The following VWF variants were observed in gnomAD, a reference collection of about 807,000 sequenced individuals.
The protein encoded by VWF is von Willebrand factor.
A neutral mutation model predicts 308.6 loss-of-function variants in VWF; 176 were observed. That is an observed-to-expected ratio of 0.57 (90% CI 0.50 to 0.65). The LOEUF (loss-of-function observed/expected upper bound fraction) is 0.65, where lower values mean the gene tolerates loss of function less well. Among genes scored for constraint, VWF ranks in the 30% least tolerant of loss-of-function variants. VWF has a pLI of 0.00. For synonymous variants in VWF, 1,385 were observed against 1,443.4 expected, an observed-to-expected ratio of 0.96 and a Z score of 0.92; for missense variants, 3,146 against 3,648.2, an observed-to-expected ratio of 0.86 and a Z score of 3.55.
At chr12:6,085,431 T>C (rs1299906270) in intron 6 of VWF, among the ~76,000 whole-genome samples, 1 of 152,182 alleles carries the variant, frequency 6.6e-6, no homozygotes, top group Non-Finnish European at 1.5e-5. Context: ...ACGCAAGCCA[T>C]ATGAAACATC....
intron 5 of VWF, among the ~76,000 whole-genome samples, chr12:6,097,909 C>T (rs1945122226): frequency 6.6e-6 from 1 of 152,220 alleles, no homozygotes. Context: ...ATAGAGGAGG[C>T]TTCATGTTGT....
chr12:6,100,555 T>C (rs1479413593), intron 5 of VWF, among the ~76,000 whole-genome samples: 2 of 151,740 alleles, frequency 1.3e-5, no homozygotes, highest in Non-Finnish European at 2.9e-5. Flanking sequence ...TGGAATACTA[T>C]GCAGCCATAA....
intron 6 of VWF, among the ~76,000 whole-genome samples, chr12:6,088,458 G>A (rs1216491792): frequency 1.4e-5 from 2 of 147,304 alleles, no homozygotes; most frequent in South Asian, 4.3e-4. Flanking sequence ...CAGCCTGGGC[G>A]ACAGAGCGAG....
At chr12:6,077,478 T>C (rs1376838951) in intron 6 of VWF, among the ~76,000 whole-genome samples, 2 of 152,122 alleles carry the variant, frequency 1.3e-5, no homozygotes, top group African/African-American at 4.8e-5. Context: ...CCAATCCCCT[T>C]CTGCCGGGCG....
intron 32 of VWF, 150 bp from the exon 33 acceptor site, chr12:6,012,280 G>A: frequency 1.1e-6 from 1 of 875,782 alleles, no homozygotes; most frequent in Non-Finnish European, 1.9e-6. Context: ...GGAGACATAG[G>A]GACATGAGGC....
At chr12:6,042,538 C>A (rs2136438627) in intron 18 of VWF, among the ~76,000 whole-genome samples, 1 of 152,350 alleles carries the variant, frequency 6.6e-6, no homozygotes, top group African/African-American at 2.4e-5. Context: ...TGCACACTCG[C>A]CGGCATCGTA....
At chr12:6,037,183 G>T (rs1045003849) in intron 18 of VWF, among the ~76,000 whole-genome samples, 3 of 152,198 alleles carry the variant, frequency 2.0e-5, no homozygotes, top group Non-Finnish European at 4.4e-5. Flanking sequence ...GGTGAGCTGG[G>T]ATAGGCGAGT....
chr12:6,008,381 A>C (rs1397949567), intron 34 of VWF, among the ~76,000 whole-genome samples: 1 of 152,188 alleles, frequency 6.6e-6, no homozygotes, highest in African/African-American at 2.4e-5. Flanking sequence ...AAAATCAATA[A>C]AGGTGATACA....
At chr12:6,087,473 T>C (rs367969310) in intron 6 of VWF, among the ~76,000 whole-genome samples, 6 of 146,808 alleles carry the variant, frequency 4.1e-5, no homozygotes, top group Admixed American at 1.4e-4. Context: ...ATTCTCCTGC[T>C]TCAGCCTCCC....
intron 6 of VWF, among the ~76,000 whole-genome samples, chr12:6,085,603 T>A (rs56145803): frequency 0.17 from 25,973 of 151,790 alleles, 2,675 homozygotes; most frequent in East Asian, 0.45. Flanking sequence ...GGGTGCTAGG[T>A]CCTTATCCAA....
At position 6,058,003 on chromosome 12, in the gene VWF, C is replaced by A. The variant is rs749268075; in HGVS notation, c.1575G>T (p.Gly525=). 2.4e-5 allele frequency: 38 copies of A among 1,613,366 alleles called. No homozygotes were observed. Among genetic ancestry groups the A allele is most frequent in the Admixed American group, 3.3e-5 (2 of 60,024 alleles). Residue 525 remains glycine (G), a synonymous_variant, in exon 14 of 52, where the codon GGG becomes GGT. Coordinates refer to ENST00000261405, the MANE Select transcript of VWF (RefSeq NM_000552.5). This position sits in a 1 kb window ranked among gnomAD's most constrained non-coding sequence, Gnocchi z 4.9. ...CGTCGCCCTGGTTGCCATTGTAATT[C>A]CCACACAGGCCGCAGGTCTTCCCGG... ...VYAGKTCGLC[G]NYNGNQGDDF...
At chr12:6,110,104 T>C (rs1177921335) in intron 5 of VWF, among the ~76,000 whole-genome samples, 5 of 152,180 alleles carry the variant, frequency 3.3e-5, no homozygotes, top group East Asian at 1.9e-4. Context: ...CGACTCAAAC[T>C]ACCCAGCATT....
rs1407217551 is a variant in VWF at position 6,057,055 on chromosome 12, C to T, written c.1747G>A (p.Ala583Thr). ...NPRMTRFSEE[A>T]CAVLTSPTFE... ...GTGGGGGACGTCAGGACCGCGCACG[C>T]CTCCTCGGAGAACCTGGCTGTGGGG... Residue 583 changes from alanine (A) to threonine (T), a missense_variant, in exon 15 of 52, where the codon GCG becomes ACG. Ala to Thr is a moderately conservative substitution (Grantham distance 58). This residue lies in a region of VWF where 1,304 missense variants were observed against 1,353.0 expected (regional missense o/e 0.96). Coordinates refer to ENST00000261405, the MANE Select transcript of VWF (RefSeq NM_000552.5). The T allele has an allele frequency of 2.6e-6, 4 of 1,542,480 alleles. No homozygotes were observed. Among genetic ancestry groups the T allele is most frequent in the South Asian group, 1.2e-5 (1 of 84,260 alleles).
rs1944156943 is a variant in VWF at position 6,023,670 on chromosome 12, G to C, written c.3340C>G (p.His1114Asp). ...GTCCTCCAGGTCACCACCTTGCCAT[G>C]CTGGGCACACACGTGGGCATAGGCA... ...IAAYAHVCAQ[H>D]GKVVTWRTAT... Residue 1114 changes from histidine to aspartate, a missense_variant, in exon 25 of 52, where the codon CAT (histidine) becomes GAT (aspartate). Coordinates refer to ENST00000261405, the MANE Select transcript of VWF (RefSeq NM_000552.5). 6.2e-7 allele frequency: 1 copy of C among 1,613,810 alleles called. No individual in the cohort carries two copies. The highest frequency in any genetic ancestry group is 8.5e-7 in the Non-Finnish European group (1 of 1,180,032).
At chr12:6,100,588 T>C (rs1458111332) in intron 5 of VWF, among the ~76,000 whole-genome samples, 1 of 152,052 alleles carries the variant, frequency 6.6e-6, no homozygotes, top group East Asian at 1.9e-4. Flanking sequence ...TCATGTCCTT[T>C]GTAGGGACAT....
At chr12:6,112,422 T>C (rs1945317427) in intron 3 of VWF, among the ~76,000 whole-genome samples, 1 of 151,896 alleles carries the variant, frequency 6.6e-6, no homozygotes, top group Admixed American at 6.6e-5. Context: ...GAAGGGAAAA[T>C]AGAGAGTCTG....
At chr12:6,087,869 T>C (rs1266609939) in intron 6 of VWF, among the ~76,000 whole-genome samples, 1 of 152,132 alleles carries the variant, frequency 6.6e-6, no homozygotes, top group African/African-American at 2.4e-5. Flanking sequence ...TTGCTGCTGC[T>C]GCTGAATGAT....
At chr12:6,048,637 A>G (rs1944473810) in intron 16 of VWF, among the ~76,000 whole-genome samples, 1 of 151,464 alleles carries the variant, frequency 6.6e-6, no homozygotes, top group Admixed American at 6.6e-5. Context: ...TAATTTTTGT[A>G]TGTTTAGTGG....
chr12:5,975,254 T>A (rs1456250892), intron 43 of VWF, among the ~76,000 whole-genome samples: 1 of 152,250 alleles, frequency 6.6e-6, no homozygotes, highest in Non-Finnish European at 1.5e-5. Flanking sequence ...GAACTCTGCC[T>A]TCACTGCCAT....
Sources: allele counts gnomAD v4.1 joint callset (sites outside exome capture counted in the v4.1 genomes callset), GRCh38; gene constraint gnomAD v4.1.1; regional missense constraint gnomAD v4.1.1; non-coding constraint Gnocchi (gnomAD v3.1); transcripts MANE v1.5; gene names NCBI Gene and HGNC (gene_info 2026-07-23, HGNC 2026-07-21).